Variants in TENM1 observed in about 807,000 individuals in gnomAD.
TENM1 encodes the protein teneurin-1.
Under a neutral mutation model 174.8 loss-of-function variants are expected in TENM1, and 35 were observed. That is an observed-to-expected ratio of 0.20 (90% CI 0.15 to 0.27). The LOEUF (loss-of-function observed/expected upper bound fraction) is 0.27. Among genes scored for constraint, TENM1 ranks in the 10% least tolerant of loss-of-function variants. TENM1 has a pLI of 1.00. For synonymous variants in TENM1, 781 were observed against 798.7 expected (o/e 0.98, Z 0.37); for missense variants, 1,633 against 2,130.1 (o/e 0.77, Z 4.59).
the TENM1 span, among the ~76,000 whole-genome samples, chrX:125,063,607 A>T: frequency 8.9e-6 from 1 of 112,002 alleles, no homozygotes; most frequent in Non-Finnish European, 1.9e-5. Context: ...CAAAACCACA[A>T]TGAGATACCA....
At chrX:125,152,495 G>C in the TENM1 span, among the ~76,000 whole-genome samples, 1 of 112,190 alleles carries the variant, frequency 8.9e-6, no homozygotes, top group Admixed American at 9.5e-5. Flanking sequence ...ACAGTATTCA[G>C]AGAAAGCATT....
the TENM1 span, among the ~76,000 whole-genome samples, chrX:125,037,581 A>T: frequency 1.5e-4 from 17 of 111,159 alleles, no homozygotes; most frequent in Non-Finnish European, 1.5e-4. Context: ...GGTATAATAG[A>T]TATGAACTGT....
chrX:124,678,058 G>T (rs1278134756), intron 5 of TENM1, among the ~76,000 whole-genome samples: 2 of 111,488 alleles, frequency 1.8e-5, no homozygotes, highest in Non-Finnish European at 3.8e-5. Flanking sequence ...GGCTTATACT[G>T]GTTTACAAAA....
chrX:124,943,140 G>A (rs923164870), intron 1 of TENM1, among the ~76,000 whole-genome samples: 25 of 111,443 alleles, frequency 2.2e-4, no homozygotes, highest in African/African-American at 8.1e-4. Context: ...ACTAGTAAAG[G>A]CGGTTAAAAG....
At chrX:124,509,899 T>G in intron 18 of TENM1, among the ~76,000 whole-genome samples, 1 of 108,785 alleles carries the variant, frequency 9.2e-6, no homozygotes. Flanking sequence ...TTTTTTTTTA[T>G]TTTTAGTAGA....
chrX:124,955,797 G>GCACACAAACACACA (rs1556430461), intron 1 of TENM1, among the ~76,000 whole-genome samples: 17 of 91,251 alleles, frequency 1.9e-4, no homozygotes, highest in African/African-American at 8.1e-4. Context: ...ACACGCGCAC[G>GCACACAAACACACA]CACACACACA....
intron 4 of TENM1, among the ~76,000 whole-genome samples, chrX:124,732,921 G>A (rs762213232): frequency 4.5e-5 from 5 of 111,879 alleles, no homozygotes; most frequent in African/African-American, 6.5e-5. Flanking sequence ...AGTTTCCCGC[G>A]TTCCCGGGGA....
intron 11 of TENM1, among the ~76,000 whole-genome samples, chrX:124,604,987 T>C (rs1296770046): frequency 9.3e-6 from 1 of 107,564 alleles, no homozygotes; most frequent in Non-Finnish European, 1.9e-5. Flanking sequence ...AGAACATCTC[T>C]AGATTCAGAG....
intron 5 of TENM1, among the ~76,000 whole-genome samples, chrX:124,692,550 G>A (rs2052550969): frequency 9.2e-6 from 1 of 109,048 alleles, no homozygotes; most frequent in African/African-American, 3.3e-5. Flanking sequence ...CACCTGACAT[G>A]TCTTGAACTG....
At chrX:124,570,511 T>G (rs1470917745) in intron 11 of TENM1, among the ~76,000 whole-genome samples, 2 of 111,263 alleles carry the variant, frequency 1.8e-5, no homozygotes, top group Non-Finnish European at 3.8e-5. Flanking sequence ...CATGACCAAT[T>G]TGTGCTTATT....
chrX:124,904,699 C>G (rs776936348), intron 1 of TENM1, among the ~76,000 whole-genome samples: 93 of 112,023 alleles, frequency 8.3e-4, no homozygotes, highest in Non-Finnish European at 1.4e-3. Flanking sequence ...GAAATAGTCA[C>G]ACAAAGGAAG....
At chrX:124,670,942 C>T (rs1440022668) in intron 6 of TENM1, among the ~76,000 whole-genome samples, 5 of 111,194 alleles carry the variant, frequency 4.5e-5, no homozygotes, top group East Asian at 2.8e-4. Context: ...CAATTTCTAC[C>T]GTTTAAATTG....
the TENM1 span, among the ~76,000 whole-genome samples, chrX:125,102,231 CTTT>C: frequency 3.7e-4 from 35 of 94,799 alleles, no homozygotes; most frequent in African/African-American, 1.2e-3. Flanking sequence ...AGGGCCACTC[CTTT>C]TTTTTTTTTT....
chrX:124,693,544 TCAGTCA>T (rs1046590813), intron 5 of TENM1, among the ~76,000 whole-genome samples: 9 of 111,560 alleles, frequency 8.1e-5, no homozygotes, highest in African/African-American at 2.9e-4. Flanking sequence ...CCCTTCGTCA[TCAGTCA>T]GTATAGTATT....
chrX:125,038,789 T>C, the TENM1 span, among the ~76,000 whole-genome samples: 1 of 111,785 alleles, frequency 8.9e-6, no homozygotes, highest in Non-Finnish European at 1.9e-5. Flanking sequence ...AAAAAGGAAG[T>C]GAATATGAAT....
intron 27 of TENM1, among the ~76,000 whole-genome samples, chrX:124,398,633 T>A (rs1420743324): frequency 1.3e-5 from 1 of 75,035 alleles, no homozygotes; most frequent in Non-Finnish European, 3.1e-5. Context: ...TCTTTTTTTC[T>A]TTTTTTTTAT....
At chrX:125,122,004 T>C in the TENM1 span, among the ~76,000 whole-genome samples, 1 of 111,663 alleles carries the variant, frequency 9.0e-6, no homozygotes, top group Non-Finnish European at 1.9e-5. Flanking sequence ...AGCCCAGGAG[T>C]TTGAGGCTGC....
chrX:124,526,497 C>T (rs1228710558), intron 16 of TENM1, among the ~76,000 whole-genome samples: 2 of 112,246 alleles, frequency 1.8e-5, no homozygotes, highest in African/African-American at 3.2e-5. Flanking sequence ...GACATGGAGA[C>T]GGAAGGTGGA....
intron 11 of TENM1, among the ~76,000 whole-genome samples, chrX:124,584,657 A>C (rs977180622): frequency 1.8e-5 from 2 of 111,058 alleles, no homozygotes; most frequent in African/African-American, 3.3e-5. Flanking sequence ...CTAACATCAT[A>C]ATGACAGGAT....
Sources: gnomAD v4.1 joint callset for allele counts (sites outside exome capture counted in the v4.1 genomes callset) on GRCh38, gnomAD v4.1.1 for gene constraint, MANE v1.5 for transcripts, NCBI Gene and HGNC (gene_info 2026-07-23, HGNC 2026-07-21) for gene names.